Variants in PDE4DIP observed in about 807,000 individuals in gnomAD.
PDE4DIP encodes the protein myomegalin.
A neutral mutation model predicts 221.4 loss-of-function variants in PDE4DIP; 59 were observed. That is an observed-to-expected ratio of 0.27 (90% CI 0.22 to 0.33). The LOEUF (loss-of-function observed/expected upper bound fraction) is 0.33. Ranked by LOEUF, PDE4DIP falls within the 10% of genes least tolerant of loss-of-function variation. The probability of loss-of-function intolerance (pLI) is 1.00; values close to 1 mark genes in which losing one functional copy is unlikely to be tolerated. For missense variants in PDE4DIP, 1,036 were observed against 2,154.2 expected (o/e 0.48, Z 10.28); for synonymous variants, 404 against 815.9 (o/e 0.50, Z 8.60).
intron 9 of PDE4DIP, among the ~76,000 whole-genome samples, chr1:148,963,649 A>G: frequency 6.6e-6 from 1 of 151,928 alleles, no homozygotes; most frequent in East Asian, 1.9e-4. Flanking sequence ...TGACATGCAT[A>G]ATAATCAGCC....
At chr1:148,990,234 T>C in intron 21 of PDE4DIP, 1 of 984,882 alleles carries the variant, frequency 1.0e-6, no homozygotes. Context: ...TTCAAATTGG[T>C]AAAAGGCTGA....
At chr1:148,952,359 G>T (rs184631978) in intron 5 of PDE4DIP, 3 of 1,060,654 alleles carry the variant, frequency 2.8e-6, no homozygotes, top group Admixed American at 1.1e-4. Flanking sequence ...AGCCGCTGGC[G>T]CCATCTTGAA....
intron 21 of PDE4DIP, chr1:148,983,464 A>C (rs1253517607): frequency 1.3e-5 from 2 of 152,414 alleles, no homozygotes; most frequent in Non-Finnish European, 1.5e-5. Flanking sequence ...TGTGACTAGA[A>C]TATGGTACTA....
chr1:149,020,604 T>C (rs2072449627), intron 36 of PDE4DIP: 1 of 334,352 alleles, frequency 3.0e-6, no homozygotes, highest in Non-Finnish European at 5.6e-6. Flanking sequence ...ATCAGAGACA[T>C]GAAAAAGAAG....
At chr1:148,981,939 A>C (rs2061171814) in intron 21 of PDE4DIP, 1 of 159,070 alleles carries the variant, frequency 6.3e-6, no homozygotes, top group Non-Finnish European at 1.4e-5. Context: ...AGTCTATAAG[A>C]ATGACTTTGC....
intron 5 of PDE4DIP, chr1:148,952,040 C>G (rs2053477932): frequency 3.0e-6 from 3 of 1,009,464 alleles, no homozygotes; most frequent in Non-Finnish European, 3.6e-6. Context: ...AGCCGGAGGA[C>G]GTGGCACTGT....
intron 5 of PDE4DIP, among the ~76,000 whole-genome samples, chr1:148,950,775 G>C: frequency 6.9e-6 from 1 of 143,968 alleles, no homozygotes. Context: ...CCTCCCACCA[G>C]GCCCCACCTC....
intron 5 of PDE4DIP, among the ~76,000 whole-genome samples, chr1:148,946,775 T>G (rs1459796311): frequency 6.7e-6 from 1 of 148,816 alleles, no homozygotes; most frequent in Non-Finnish European, 1.5e-5. Flanking sequence ...GAGGATTAGA[T>G]GTATGGATGG....
intron 17 of PDE4DIP, among the ~76,000 whole-genome samples, chr1:148,977,441 G>C (rs2060396990): frequency 8.5e-6 from 1 of 116,998 alleles, no homozygotes; most frequent in African/African-American, 3.4e-5. Context: ...CCAACTTTTG[G>C]CAGTATTTCT....
chr1:148,862,211 T>C (rs1313352196), intron 1 of PDE4DIP, among the ~76,000 whole-genome samples: 3 of 151,320 alleles, frequency 2.0e-5, no homozygotes, highest in African/African-American at 7.3e-5. Context: ...TCCCAACTGC[T>C]ACTATACAAT....
intron 32 of PDE4DIP, 98 bp from the exon 36 acceptor site, chr1:149,016,201 C>T (rs1274185472): frequency 2.9e-4 from 193 of 672,856 alleles, no homozygotes; most frequent in Non-Finnish European, 3.8e-4. Flanking sequence ...TTCCACATGT[C>T]TCCTTTTAGT....
rs782711531 is a variant in PDE4DIP, at chr1:149,031,965, C to A, written c.7021C>A (p.Pro2341Thr). The A allele has an allele frequency of 1.4e-4, 220 of 1,608,848 alleles. No individual in the cohort carries two copies. In the African/African-American group the frequency reaches 2.5e-3, roughly 19 times the overall value. ...GCAGGTGAAATCCCTAAGGGCTCTG[C>A]CATGTACTCCAGCCTTGTGACCCTT... is the stretch of plus-strand genomic sequence containing the variant. Residue 2341 changes from proline (P) to threonine (T), a missense_variant, in exon 44 of 44, where the codon CCA becomes ACA. Physicochemically the swap from Pro to Thr is conservative, Grantham distance 38. Coordinates refer to ENST00000369354, the Ensembl canonical transcript of PDE4DIP.
At chr1:148,924,128 G>A (rs1778150) in intron 1 of PDE4DIP, among the ~76,000 whole-genome samples, 321 of 148,866 alleles carry the variant, frequency 2.2e-3, no homozygotes, top group African/African-American at 7.1e-3. Context: ...GCATTTACAC[G>A]GGATGCCAAT....
chr1:149,031,949 A>G (rs782802432), exon 44 of PDE4DIP: 13 of 1,607,454 alleles, frequency 8.1e-6, no homozygotes, highest in African/African-American at 6.7e-5. Flanking sequence ...TGCAGGTGAA[A>G]TCCCTAAGGG....
rs1626870 is a variant in PDE4DIP at position 148,906,980 on chromosome 1, C to T, written c.141+17086C>T. 9.4e-4 allele frequency among the ~76,000 whole-genome samples: 142 copies of T among 151,176 alleles called. 1 individual carries two copies. Among genetic ancestry groups the T allele is most frequent in the African/African-American group, 3.3e-3 (133 of 40,614 alleles). ...AGGAGAATTGCTTGAACCTGGGAGGCGGAGGTTGCAGTGTGCCAAGATCGC... is the reference window on the plus strand; with the variant it reads ...AGGAGAATTGCTTGAACCTGGGAGGTGGAGGTTGCAGTGTGCCAAGATCGC... On this transcript the variant is annotated intron_variant, in intron 1 of 43. Transcript: ENST00000369354.
At position 149,018,199 on chromosome 1, in the gene PDE4DIP, G is replaced by A. The variant is rs376159489; in HGVS notation, c.5650+320G>A. The A allele has an allele frequency of 4.2e-3, 1,606 of 380,736 alleles. 30 individuals carry two copies. The highest frequency in any genetic ancestry group is 0.03 in the African/African-American group (1,489 of 49,744). 23.6% of individuals were successfully genotyped at this position (380,736 alleles called of 1,614,324 possible). ...TAAGGGTCCTCCCACCTCTACCCTCGCCTCTTTACCAAGGTGGCCTTTCTC... is the reference window on the plus strand; with the variant it reads ...TAAGGGTCCTCCCACCTCTACCCTCACCTCTTTACCAAGGTGGCCTTTCTC... On this transcript the variant is annotated intron_variant, in intron 34 of 43. Coordinates refer to ENST00000369354, the Ensembl canonical transcript of PDE4DIP.
At chr1:149,020,880 T>C (rs1195590902) in intron 36 of PDE4DIP, 149 bp from the exon 40 acceptor site, 7 of 579,358 alleles carry the variant, frequency 1.2e-5, no homozygotes, top group Non-Finnish European at 1.9e-5. Flanking sequence ...ATAGTCTTCA[T>C]GACCCCCTGA....
At chr1:149,014,954 C>A (rs1465654665) in intron 32 of PDE4DIP, among the ~76,000 whole-genome samples, 1 of 152,126 alleles carries the variant, frequency 6.6e-6, no homozygotes, top group Non-Finnish European at 1.5e-5. Flanking sequence ...TGACTATCTG[C>A]AACCACTGAT....
At chr1:148,979,745 G>T in exon 20 of PDE4DIP, 1 of 1,612,994 alleles carries the variant, frequency 6.2e-7, no homozygotes, top group South Asian at 1.1e-5. Flanking sequence ...AGTTGCTGCT[G>T]ATGCTAGAAG....
Sources: allele counts gnomAD v4.1 joint callset (sites outside exome capture counted in the v4.1 genomes callset), GRCh38; gene constraint gnomAD v4.1.1; transcripts MANE v1.5; gene names NCBI Gene and HGNC (gene_info 2026-07-23, HGNC 2026-07-21).